Variants in MTG1 observed in about 807,000 individuals in gnomAD.
MTG1 encodes the protein mitochondrial ribosome associated GTPase 1.
MTG1 carries 30 observed loss-of-function variants against 39.5 expected under a neutral mutation model. That is an observed-to-expected ratio of 0.76 (90% CI 0.57 to 1.03). The LOEUF (loss-of-function observed/expected upper bound fraction) is 1.03. Ranked by LOEUF, MTG1 falls within the 50% of genes least tolerant of loss-of-function variation. MTG1 has a pLI of 0.00. For missense variants in MTG1, 513 were observed against 447.4 expected, an observed-to-expected ratio of 1.15 and a Z score of -1.32; for synonymous variants, 217 against 179.0, an observed-to-expected ratio of 1.21 and a Z score of -1.69.
rs1849829428 is a variant in MTG1 at position 133,399,059 on chromosome 10, G to C, written c.364-111G>C. 2.5e-6 allele frequency: 3 copies of C among 1,192,224 alleles called. No homozygotes were observed. The South Asian group carries it at 3.7e-5, about 15-fold the overall frequency. The allele number at this position is 1,192,224 out of a possible 1,614,324, so 73.9% of individuals were successfully genotyped here. A position where few individuals can be genotyped will look rare whatever the true frequency, so the allele number is the denominator to read the frequency against. On this transcript the variant is annotated intron_variant, in intron 4 of 10. Transcript: ENST00000317502. ...AGGTTTCTGTTTTCCTAACGGATAT[G>C]TGAAAGTGGAGACACTGGAATCCCT...
At position 133,420,154 on chromosome 10, in the gene MTG1, A is replaced by G; in HGVS notation, c.994A>G (p.Thr332Ala). Residue 332 changes from threonine (T) to alanine (A), a missense_variant, in exon 11 of 11, where the codon ACT becomes GCT. By Grantham distance (58) the Thr-to-Ala change is moderately conservative. Coordinates refer to ENST00000317502, the MANE Select transcript of MTG1 (RefSeq NM_138384.4). Reference protein sequence around the residue: ...DVLRGHPPAETLP With the variant: ...DVLRGHPPAEALP ...CCTGCGGGGCCACCCCCCGGCTGAG[A>G]CTTTGCCCTGAACTTGTCCGGGTAG... 2 of 1,610,916 alleles carry G rather than the reference A, an allele frequency of 1.2e-6. No individual in the cohort carries two copies. The highest frequency in any genetic ancestry group is 1.7e-6 in the Non-Finnish European group (2 of 1,178,604).
At position 133,394,386 on chromosome 10, in the gene MTG1, T is replaced by C. The variant is rs1589906141; in HGVS notation, c.112+54T>C. 2.9e-6 allele frequency: 4 copies of C among 1,393,522 alleles called. No homozygotes were observed. The African/African-American group carries it at 4.5e-5, about 16-fold the overall frequency. The allele number at this position is 1,393,522 out of a possible 1,614,324, so 86.3% of individuals were successfully genotyped here. A position where few individuals can be genotyped will look rare whatever the true frequency, so the allele number is the denominator to read the frequency against. ...ATGCCTACGGCCGCGGCGCCTCTGC[T>C]TCCCTCCCACCCCGGTTTCGGCCGT... On this transcript the variant is annotated intron_variant, in intron 1 of 10. Transcript: ENST00000317502.
At chr10:133,418,608 A>G (rs1049404241) in intron 9 of MTG1, among the ~76,000 whole-genome samples, 1 of 151,516 alleles carries the variant, frequency 6.6e-6, no homozygotes, top group Non-Finnish European at 1.5e-5. Flanking sequence ...TGATGCTCCT[A>G]TGGGCTCTGA....
chr10:133,407,434 T>A (rs1849984159), intron 9 of MTG1, among the ~76,000 whole-genome samples: 1 of 152,220 alleles, frequency 6.6e-6, no homozygotes, highest in South Asian at 2.1e-4. Context: ...TATCTTTCCA[T>A]TTTTTATGTG....
intron 9 of MTG1, among the ~76,000 whole-genome samples, 156 bp from the exon 10 acceptor site, chr10:133,419,324 A>C (rs1277008118): frequency 6.6e-6 from 1 of 152,206 alleles, no homozygotes; most frequent in African/African-American, 2.4e-5. Context: ...GGTCACCTGC[A>C]GTCTCATCTT....
At position 133,421,906 on chromosome 10, in the gene MTG1, G is replaced by GGT. The variant is rs1554893377; in HGVS notation, c.*1742_*1743insTG. On this transcript the variant is annotated 3_prime_UTR_variant, in exon 11 of 11. Transcript: ENST00000317502. ...GGGTGAGATCCCAAGGCCACGGCGGGGGGCAGGGAGAACCCCTCCTACCCT... is the reference window on the plus strand; with the variant it reads ...GGGTGAGATCCCAAGGCCACGGCGGGGTGGGCAGGGAGAACCCCTCCTACCCT... 1 of 147,250 alleles carries GGT rather than the reference G, an allele frequency of 6.8e-6. No homozygotes were observed. Among genetic ancestry groups the GGT allele is most frequent in the African/African-American group, 2.5e-5 (1 of 40,756 alleles). 9.1% of individuals were successfully genotyped at this position (147,250 alleles called of 1,614,324 possible).
In MTG1 at chr10:133,420,285, G is replaced by A; in HGVS notation, c.*120G>A. The stretch of plus-strand genomic sequence containing the variant: ...TCCATGCTGGTCACTAGGGTGCTGT[G>A]CTCTCTGGCGCCCCACAGCCTGGCC... On this transcript the variant is annotated 3_prime_UTR_variant, in exon 11 of 11. Transcript: ENST00000317502. The A allele has an allele frequency of 2.4e-6, 3 of 1,235,734 alleles. No homozygotes were observed. The highest frequency in any genetic ancestry group is 3.5e-5 in the South Asian group (2 of 57,194). The allele number at this position is 1,235,734 out of a possible 1,614,324, so 76.5% of individuals were successfully genotyped here. A position where few individuals can be genotyped will look rare whatever the true frequency, so the allele number is the denominator to read the frequency against.
chr10:133,394,231 C>T lies in MTG1; in HGVS notation c.11C>T (p.Thr4Ile), dbSNP rs1028318947. ...GGGGACGGTGCCGCCATGAGATTGACCCCGCGCGCGCTGTGCAGCGCCGCC... is the reference window on the plus strand; with the variant it reads ...GGGGACGGTGCCGCCATGAGATTGATCCCGCGCGCGCTGTGCAGCGCCGCC... Reference protein sequence around the residue: MRLTPRALCSAAQA... With the variant: MRLIPRALCSAAQA... Residue 4 changes from threonine (T) to isoleucine (I), a missense_variant, in exon 1 of 11, where the codon ACC becomes ATC. Thr to Ile is a moderately conservative substitution (Grantham distance 89, BLOSUM62 -1). Transcript: ENST00000317502. 67 of 1,516,436 alleles carry T rather than the reference C, an allele frequency of 4.4e-5. No homozygotes were observed. The Middle Eastern group carries it at 6.8e-4, about 15-fold the overall frequency. The allele number at this position is 1,516,436 out of a possible 1,614,324, so 93.9% of individuals were successfully genotyped here.
intron 9 of MTG1, among the ~76,000 whole-genome samples, chr10:133,416,645 T>C (rs1352547289): frequency 1.4e-5 from 2 of 143,384 alleles, no homozygotes; most frequent in South Asian, 2.3e-4. Context: ...TGAGTGAGAA[T>C]ATGCGGTGTT....
intron 1 of MTG1, among the ~76,000 whole-genome samples, chr10:133,395,281 G>C (rs192705225): frequency 3.9e-5 from 6 of 152,184 alleles, no homozygotes; most frequent in Non-Finnish European, 7.3e-5. Flanking sequence ...TGTAGTCCCA[G>C]CTACTCGGGA....
rs571892977 is a variant in MTG1 at position 133,420,174 on chromosome 10, G to A, written c.*9G>A. 5.2e-4 allele frequency: 838 copies of A among 1,602,060 alleles called. 15 individuals are homozygous for A. The South Asian group carries it at 8.7e-3, about 17-fold the overall frequency. On this transcript the variant is annotated 3_prime_UTR_variant, in exon 11 of 11. Coordinates refer to ENST00000317502, the MANE Select transcript of MTG1 (RefSeq NM_138384.4). ...CTGAGACTTTGCCCTGAACTTGTCC[G>A]GGTAGGGAGGGCCGGAGGCATGTGG...
chr10:133,394,626 C>G (rs1214579096), intron 1 of MTG1: 2 of 1,255,602 alleles, frequency 1.6e-6, no homozygotes, highest in African/African-American at 1.6e-5. Context: ...CCTCTGTTCC[C>G]AGCAAGTTCC....
intron 4 of MTG1, 34 bp downstream of exon 4, chr10:133,398,549 C>G: frequency 6.3e-7 from 1 of 1,585,616 alleles, no homozygotes; most frequent in East Asian, 2.2e-5. Context: ...TCTGACGCTT[C>G]TGCTTCAGTA....
Position 133,402,538 on chromosome 10 carries a change from G to A in MTG1, c.671-154G>A, listed in dbSNP as rs770336248. The A allele has an allele frequency of 1.9e-5, 14 of 753,566 alleles. No homozygotes were observed. The highest frequency in any genetic ancestry group is 5.3e-5 in the Admixed American group (2 of 37,962). 46.7% of individuals were successfully genotyped at this position (753,566 alleles called of 1,614,324 possible). A position where few individuals can be genotyped will look rare whatever the true frequency, so the allele number is the denominator to read the frequency against. On this transcript the variant is annotated intron_variant, in intron 8 of 10. Transcript: ENST00000317502. The surrounding 1 kb of genome is among the most constrained non-coding windows in gnomAD (Gnocchi z 4.7). ...AGGAGTGGGGGCCGGGACCACAGCCGAGTGCCGTCCTCTTGGTTAGTGTCT... is the reference window on the plus strand; with the variant it reads ...AGGAGTGGGGGCCGGGACCACAGCCAAGTGCCGTCCTCTTGGTTAGTGTCT...
At chr10:133,394,364 C>T in intron 1 of MTG1, 32 bp downstream of exon 1, 1 of 1,439,902 alleles carries the variant, frequency 6.9e-7, no homozygotes, top group Non-Finnish European at 9.1e-7. Flanking sequence ...CAAGGTCATG[C>T]CTACGGCCGC....
chr10:133,413,449 T>G (rs1850074330), intron 9 of MTG1, among the ~76,000 whole-genome samples: 1 of 152,150 alleles, frequency 6.6e-6, no homozygotes, highest in Admixed American at 6.5e-5. Flanking sequence ...GATGGGAGTT[T>G]CGCCATGTTG....
intron 3 of MTG1, 107 bp downstream of exon 3, chr10:133,396,374 C>T: frequency 3.0e-6 from 3 of 985,956 alleles, no homozygotes; most frequent in African/African-American, 1.6e-5. Context: ...TTTGCCCAGG[C>T]AGGCTCTGCT....
In MTG1 at chr10:133,394,606, C is replaced by T. The variant is rs1001225381; in HGVS notation, c.112+274C>T. On this transcript the variant is annotated intron_variant, in intron 1 of 10. Transcript: ENST00000317502. ...TGCTTGACCTCCTACCTCTGGCCCG[C>T]CGCCCCTGTCCTCTGTTCCCAGCAA... 24 of 1,295,088 alleles carry T rather than the reference C, an allele frequency of 1.9e-5. No homozygotes were observed. In the Admixed American group the frequency reaches 3.9e-4, roughly 21 times the overall value. The allele number at this position is 1,295,088 out of a possible 1,614,324, so 80.2% of individuals were successfully genotyped here. A position where few individuals can be genotyped will look rare whatever the true frequency, so the allele number is the denominator to read the frequency against.
In MTG1 at chr10:133,394,170, A is replaced by G. The variant is rs1474965833; in HGVS notation, c.-51A>G. Reference sequence around the variant, plus strand: ...CGCCGGAACCTCAGAGGCGGGTCGCAGCGGCGCAGAGGAGGTCAGCTGCGG... The same window carrying G: ...CGCCGGAACCTCAGAGGCGGGTCGCGGCGGCGCAGAGGAGGTCAGCTGCGG... On this transcript the variant is annotated 5_prime_UTR_variant, in exon 1 of 11. Coordinates refer to ENST00000317502, the MANE Select transcript of MTG1 (RefSeq NM_138384.4). The G allele has an allele frequency of 1.4e-6, 2 of 1,389,636 alleles. No individual in the cohort carries two copies. Among genetic ancestry groups the G allele is most frequent in the Non-Finnish European group, 1.9e-6 (2 of 1,037,514 alleles). 86.1% of individuals were successfully genotyped at this position (1,389,636 alleles called of 1,614,324 possible). A position where few individuals can be genotyped will look rare whatever the true frequency, so the allele number is the denominator to read the frequency against.
Sources: gnomAD v4.1 joint callset for allele counts (sites outside exome capture counted in the v4.1 genomes callset) on GRCh38, gnomAD v4.1.1 for gene constraint, Gnocchi (gnomAD v3.1) non-coding constraint, MANE v1.5 for transcripts, NCBI Gene and HGNC (gene_info 2026-07-23, HGNC 2026-07-21) for gene names.